SLC39A12: variants seen among roughly 807,000 people sequenced by gnomAD.
SLC39A12 encodes the protein solute carrier family 39 member 12.
In SLC39A12, 63 loss-of-function variants were observed where a neutral mutation model predicts 71.1. The ratio of observed to expected loss-of-function variants is 0.89; its 90% CI spans 0.72 to 1.09. The LOEUF is 1.09. Among genes scored for constraint, SLC39A12 ranks in the 50% least tolerant of loss-of-function variants. The pLI, the probability that SLC39A12 is intolerant of heterozygous loss-of-function variation, is 0.00. For missense variants in SLC39A12, 892 were observed against 812.6 expected (o/e 1.10, Z -1.19); for synonymous variants, 351 against 301.3 (o/e 1.16, Z -1.71).
At chr10:17,994,770 C>T (rs185536963) in intron 9 of SLC39A12, among the ~76,000 whole-genome samples, 5 of 152,232 alleles carry the variant, frequency 3.3e-5, no homozygotes, top group East Asian at 3.9e-4. Flanking sequence ...TATTCTAATA[C>T]GTGAACTTTA....
intron 4 of SLC39A12, among the ~76,000 whole-genome samples, chr10:17,967,305 A>G (rs1834850932): frequency 1.3e-5 from 2 of 152,188 alleles, no homozygotes; most frequent in Admixed American, 6.5e-5. Context: ...TTCCATTAGG[A>G]AGCATGTAAC....
intron 12 of SLC39A12, among the ~76,000 whole-genome samples, chr10:18,040,481 T>A (rs760995247): frequency 1.3e-5 from 2 of 152,070 alleles, no homozygotes; most frequent in Non-Finnish European, 2.9e-5. Flanking sequence ...TAAAAATGTG[T>A]CAACCTGGCC....
intron 12 of SLC39A12, among the ~76,000 whole-genome samples, chr10:18,036,746 TTA>T (rs1195629854): frequency 0.012 from 457 of 37,434 alleles, 2 homozygotes; most frequent in Non-Finnish European, 0.017. Flanking sequence ...ATTTTAAAAA[TTA>T]TATATATATA....
rs144118050 is a variant in SLC39A12, at chr10:17,963,656, C to T, written c.543+1794C>T. Among the ~76,000 whole-genome samples, 191 of 152,270 alleles carry T rather than the reference C, an allele frequency of 1.3e-3. 1 individual carries two copies. Among genetic ancestry groups the T allele is most frequent in the African/African-American group, 4.4e-3 (183 of 41,568 alleles). ...GACTAGGATTCTCTAGGAAGTCAAT[C>T]AGTCCAGACTTTGCAGGAGGCTTTT... On this transcript the variant is annotated intron_variant, in intron 3 of 12. Coordinates refer to ENST00000377369, the MANE Select transcript of SLC39A12 (RefSeq NM_001145195.2).
chr10:18,023,362 A>G (rs1326573676), intron 12 of SLC39A12, among the ~76,000 whole-genome samples: 1 of 151,736 alleles, frequency 6.6e-6, no homozygotes, highest in African/African-American at 2.4e-5. Flanking sequence ...TCTCCTTTCT[A>G]GGGCAGCTGG....
At chr10:17,971,795 T>C (rs574095363) in intron 4 of SLC39A12, among the ~76,000 whole-genome samples, 1 of 152,304 alleles carries the variant, frequency 6.6e-6, no homozygotes, top group South Asian at 2.1e-4. Context: ...TTTTGTTTCA[T>C]TGATCTTTTG....
At chr10:17,968,881 T>A (rs997362933) in intron 4 of SLC39A12, among the ~76,000 whole-genome samples, 2 of 152,186 alleles carry the variant, frequency 1.3e-5, no homozygotes, top group Non-Finnish European at 2.9e-5. Context: ...TGCTATCAAA[T>A]AATAGGTCTT....
At chr10:18,042,635 T>C in intron 12 of SLC39A12, 70 bp from the exon 13 acceptor site, 3 of 1,498,634 alleles carry the variant, frequency 2.0e-6, no homozygotes, top group Non-Finnish European at 2.7e-6. Context: ...TCGCTCATGT[T>C]TTCCCACCAA....
At chr10:18,012,531 A>G (rs1033321142) in intron 12 of SLC39A12, among the ~76,000 whole-genome samples, 2 of 152,206 alleles carry the variant, frequency 1.3e-5, no homozygotes, top group Non-Finnish European at 2.9e-5. Flanking sequence ...TCTTGTTTAC[A>G]GCAAACCATC....
At chr10:18,024,801 A>G (rs563338155) in intron 12 of SLC39A12, among the ~76,000 whole-genome samples, 1 of 152,186 alleles carries the variant, frequency 6.6e-6, no homozygotes, top group Non-Finnish European at 1.5e-5. Flanking sequence ...GTAGGTACAT[A>G]CACATTAAGG....
chr10:18,040,465 T>A (rs867966144), intron 12 of SLC39A12, among the ~76,000 whole-genome samples: 1 of 152,026 alleles, frequency 6.6e-6, no homozygotes, highest in African/African-American at 2.4e-5. Context: ...CTCCTCTCCA[T>A]GTACTTAAAA....
intron 5 of SLC39A12, 51 bp from the exon 6 acceptor site, chr10:17,981,261 C>A: frequency 6.7e-7 from 1 of 1,488,418 alleles, no homozygotes; most frequent in Non-Finnish European, 9.1e-7. Flanking sequence ...GGTGGAGAAT[C>A]TAGTTTAAAT....
chr10:17,964,599 T>C (rs980390038), intron 3 of SLC39A12, among the ~76,000 whole-genome samples: 1 of 152,198 alleles, frequency 6.6e-6, no homozygotes, highest in East Asian at 1.9e-4. Flanking sequence ...ATGCTTATAA[T>C]TTAATTGAGG....
intron 10 of SLC39A12, among the ~76,000 whole-genome samples, chr10:18,000,126 T>C (rs1835791038): frequency 6.6e-6 from 1 of 152,148 alleles, no homozygotes; most frequent in Admixed American, 6.5e-5. Flanking sequence ...TGGTTGTAGA[T>C]GGCGCCTTCC....
intron 12 of SLC39A12, chr10:18,010,695 C>T (rs1187862778): frequency 2.6e-5 from 4 of 152,108 alleles, no homozygotes; most frequent in Non-Finnish European, 4.4e-5. Context: ...TTTTTCTACT[C>T]CTCGTTCCTC....
intron 12 of SLC39A12, among the ~76,000 whole-genome samples, chr10:18,022,294 C>T (rs2357781): frequency 0.096 from 14,631 of 151,990 alleles, 1,120 homozygotes; most frequent in East Asian, 0.21. Context: ...TACATAATCC[C>T]GTCTTTCTCA....
intron 12 of SLC39A12, among the ~76,000 whole-genome samples, chr10:18,024,644 G>A (rs528613269): frequency 3.3e-5 from 5 of 152,138 alleles, no homozygotes; most frequent in Non-Finnish European, 5.9e-5. Flanking sequence ...GCACACGCTA[G>A]CTACTTCTAG....
intron 3 of SLC39A12, 58 bp downstream of exon 3, chr10:17,961,920 T>C (rs1834702268): frequency 2.0e-6 from 3 of 1,501,162 alleles, no homozygotes; most frequent in Admixed American, 4.3e-5. Context: ...TAGAGCCTTA[T>C]TGTTTGTTCC....
intron 2 of SLC39A12, among the ~76,000 whole-genome samples, chr10:17,955,916 A>T (rs781812645): frequency 1.3e-5 from 2 of 152,208 alleles, no homozygotes; most frequent in Non-Finnish European, 2.9e-5. Context: ...TACTTCAATA[A>T]TTATGAGAAC....
Sources: gnomAD v4.1 joint callset for allele counts (sites outside exome capture counted in the v4.1 genomes callset) on GRCh38, gnomAD v4.1.1 for gene constraint, MANE v1.5 for transcripts, NCBI Gene and HGNC (gene_info 2026-07-23, HGNC 2026-07-21) for gene names.